The following MYO1D variants were observed in gnomAD, a reference collection of about 807,000 sequenced individuals.
MYO1D encodes unconventional myosin-Id.
A neutral mutation model predicts 122.0 loss-of-function variants in MYO1D; 83 were observed. The ratio of observed to expected loss-of-function variants is 0.68; its 90% CI spans 0.57 to 0.82. The LOEUF (loss-of-function observed/expected upper bound fraction) is 0.82, where lower values mean the gene tolerates loss of function less well. MYO1D is among the 40% of genes least tolerant of loss of function. The pLI, the probability that MYO1D is intolerant of heterozygous loss-of-function variation, is 0.00. For synonymous variants in MYO1D, 464 were observed against 446.9 expected (o/e 1.04, Z -0.48); for missense variants, 1,157 against 1,269.5 (o/e 0.91, Z 1.35).
At chr17:32,590,045 T>C (rs995046961) in intron 21 of MYO1D, among the ~76,000 whole-genome samples, 6 of 152,252 alleles carry the variant, frequency 3.9e-5, no homozygotes, top group Admixed American at 2.0e-4. Context: ...TGAGCATGTA[T>C]AGGCTAGGTG....
chr17:32,508,278 G>GT (rs1305126508), intron 21 of MYO1D, among the ~76,000 whole-genome samples: 1 of 150,586 alleles, frequency 6.6e-6, no homozygotes, highest in Non-Finnish European at 1.5e-5. Flanking sequence ...CCAGTCTATG[G>GT]TATCTTTTTT....
In MYO1D at chr17:32,639,363, T is replaced by TTGTGTGTG. The variant is rs10674390; in HGVS notation, c.2596-536_2596-529dup. ...CTAGATTATGAGATTGGGAGAAATT[T>TTGTGTGTG]TGTGTGTGTGTGTGTGTGTGTGTGT... is the stretch of plus-strand genomic sequence containing the variant. On this transcript the variant is annotated intron_variant, in intron 19 of 21. Transcript: ENST00000318217. Among the ~76,000 whole-genome samples the TTGTGTGTG allele has an allele frequency of 4.0e-3, 510 of 128,192 alleles. 3 individuals carry two copies. Among genetic ancestry groups the TTGTGTGTG allele is most frequent in the Admixed American group, 5.5e-3 (66 of 12,046 alleles). The allele number at this position is 128,192 out of a possible 152,430, so 84.1% of individuals were successfully genotyped here.
intron 21 of MYO1D, among the ~76,000 whole-genome samples, chr17:32,600,518 C>G (rs1259884871): frequency 6.6e-6 from 1 of 152,190 alleles, no homozygotes; most frequent in Non-Finnish European, 1.5e-5. Flanking sequence ...AATAACTTGC[C>G]ACAGCTTCTC....
intron 21 of MYO1D, among the ~76,000 whole-genome samples, chr17:32,502,261 A>ATGAACCT: frequency 6.6e-6 from 1 of 152,354 alleles, no homozygotes; most frequent in African/African-American, 2.4e-5. Flanking sequence ...TTACAACAAG[A>ATGAACCT]TGAACCTTGA....
intron 1 of MYO1D, among the ~76,000 whole-genome samples, chr17:32,833,204 T>C (rs992038725): frequency 2.0e-5 from 3 of 152,204 alleles, no homozygotes; most frequent in African/African-American, 7.2e-5. Flanking sequence ...CTATACCCCA[T>C]GTCTCATCTG....
chr17:32,521,257 T>A (rs957854565), intron 21 of MYO1D, among the ~76,000 whole-genome samples: 1 of 152,094 alleles, frequency 6.6e-6, no homozygotes, highest in Non-Finnish European at 1.5e-5. Context: ...TCCTGAACCA[T>A]GACAACCAAC....
At chr17:32,642,122 G>T (rs2088210356) in intron 19 of MYO1D, among the ~76,000 whole-genome samples, 1 of 152,196 alleles carries the variant, frequency 6.6e-6, no homozygotes, top group Non-Finnish European at 1.5e-5. Flanking sequence ...GTGTAAGGAA[G>T]GCATCCAGTT....
chr17:32,847,481 C>A (rs1302551366), intron 1 of MYO1D, among the ~76,000 whole-genome samples: 1 of 152,154 alleles, frequency 6.6e-6, no homozygotes, highest in African/African-American at 2.4e-5. Context: ...ACTGTCTCAT[C>A]AGGGACTCAC....
intron 1 of MYO1D, among the ~76,000 whole-genome samples, chr17:32,860,224 G>T (rs2091058393): frequency 6.6e-6 from 1 of 152,226 alleles, no homozygotes; most frequent in Non-Finnish European, 1.5e-5. Context: ...TGGAGGCAGA[G>T]TCCTTAGGGA....
chr17:32,544,118 C>T (rs1199365180), intron 21 of MYO1D, among the ~76,000 whole-genome samples: 1 of 143,426 alleles, frequency 7.0e-6, no homozygotes, highest in African/African-American at 2.7e-5. Context: ...TTTTTTGAGA[C>T]AGGGTCTCAC....
At chr17:32,718,111 G>A (rs1490200925) in intron 15 of MYO1D, among the ~76,000 whole-genome samples, 1 of 151,960 alleles carries the variant, frequency 6.6e-6, no homozygotes, top group Non-Finnish European at 1.5e-5. Flanking sequence ...TTTTAAAAAA[G>A]TTTAGTTTTT....
chr17:32,770,720 AGT>A (rs1248057399), intron 6 of MYO1D, among the ~76,000 whole-genome samples: 1 of 152,178 alleles, frequency 6.6e-6, no homozygotes, highest in Non-Finnish European at 1.5e-5. Context: ...TTGAACAAAC[AGT>A]GAGTGGAGAA....
intron 16 of MYO1D, among the ~76,000 whole-genome samples, chr17:32,678,302 C>T (rs1399111347): frequency 2.0e-5 from 3 of 151,118 alleles, no homozygotes; most frequent in African/African-American, 2.4e-5. Context: ...TACATGTGCA[C>T]ATTGTGCAGG....
intron 12 of MYO1D, chr17:32,745,515 T>G: frequency 2.6e-6 from 1 of 390,168 alleles, no homozygotes; most frequent in Non-Finnish European, 4.7e-6. Flanking sequence ...ACTGGTTTAT[T>G]GCTTACCTCA....
At chr17:32,803,348 G>A (rs1398395837) in intron 1 of MYO1D, among the ~76,000 whole-genome samples, 3 of 152,124 alleles carry the variant, frequency 2.0e-5, no homozygotes, top group African/African-American at 4.8e-5. Context: ...GGGTTTCACC[G>A]TGTTAGCCAG....
Position 32,767,706 on chromosome 17 carries a change from A to G in MYO1D, c.761T>C (p.Met254Thr). The G allele has an allele frequency of 6.2e-7, 1 of 1,613,968 alleles. No individual in the cohort carries two copies. Among genetic ancestry groups the G allele is most frequent in the Non-Finnish European group, 8.5e-7 (1 of 1,179,958 alleles). Residue 254 changes from methionine (M) to threonine (T), a missense_variant, in exon 7 of 22, where the codon ATG becomes ACG. Physicochemically the swap from Met to Thr is moderately conservative, Grantham distance 81. Transcript: ENST00000318217. ...CTCAGGTTTGAAGCCAATGACTTTC[A>G]TGGCATCAGCAACAACTCTGAATTC... is the stretch of plus-strand genomic sequence containing the variant. ...AAEFRVVADA[M>T]KVIGFKPEEI...
At chr17:32,538,773 C>T (rs1453746694) in intron 21 of MYO1D, among the ~76,000 whole-genome samples, 2 of 152,156 alleles carry the variant, frequency 1.3e-5, no homozygotes, top group South Asian at 2.1e-4. Flanking sequence ...GCCGTAAAAA[C>T]GAATGAGATC....
intron 21 of MYO1D, among the ~76,000 whole-genome samples, chr17:32,528,244 G>C (rs996235853): frequency 6.6e-6 from 1 of 152,218 alleles, no homozygotes; most frequent in African/African-American, 2.4e-5. Context: ...AAGGTATCCA[G>C]TACCTTGATC....
At position 32,730,688 on chromosome 17, in the gene MYO1D, C is replaced by A. The variant is rs577267431; in HGVS notation, c.1746+7565G>T. 2.3e-4 allele frequency among the ~76,000 whole-genome samples: 34 copies of A among 150,992 alleles called. 1 individual carries two copies. In the East Asian group the frequency reaches 5.8e-3, roughly 26 times the overall value. On this transcript the variant is annotated intron_variant, in intron 14 of 21. Transcript: ENST00000318217. ...TCTCTGGCTGCTTTTAAGATATTTT[C>A]TTTGTCTTTAATGTTCTAGGATTTT...
Sources: gnomAD v4.1 joint callset for allele counts (sites outside exome capture counted in the v4.1 genomes callset) on GRCh38, gnomAD v4.1.1 for gene constraint, MANE v1.5 for transcripts, NCBI Gene and HGNC (gene_info 2026-07-23, HGNC 2026-07-21) for gene names.